The following BTAF1 variants were observed in gnomAD, a reference collection of about 807,000 sequenced individuals.
BTAF1 encodes TATA-binding protein-associated factor 172.
BTAF1 carries 38 observed loss-of-function variants against 227.1 expected under a neutral mutation model. That is an observed-to-expected ratio of 0.17 (90% CI 0.13 to 0.22). The LOEUF is 0.22. BTAF1 is among the 10% of genes least tolerant of loss of function. BTAF1 has a pLI of 1.00. For missense variants in BTAF1, 1,598 were observed against 2,204.0 expected (o/e 0.73, Z 5.51); for synonymous variants, 742 against 751.9 (o/e 0.99, Z 0.21).
At chr10:91,929,571 C>T (rs193242503) in intron 1 of BTAF1, among the ~76,000 whole-genome samples, 1 of 152,238 alleles carries the variant, frequency 6.6e-6, no homozygotes, top group African/African-American at 2.4e-5. Flanking sequence ...TTCAACAGGC[C>T]TATTCTGTCA....
intron 4 of BTAF1, among the ~76,000 whole-genome samples, chr10:91,951,016 G>A (rs1845736811): frequency 6.6e-6 from 1 of 151,736 alleles, no homozygotes; most frequent in Admixed American, 6.6e-5. Flanking sequence ...TATAGAGATG[G>A]GGTCTCCCTA....
chr10:91,954,373 G>A (rs990651109), intron 6 of BTAF1, among the ~76,000 whole-genome samples: 1 of 152,040 alleles, frequency 6.6e-6, no homozygotes, highest in Non-Finnish European at 1.5e-5. Context: ...TGATAATCTA[G>A]GCTAGTTTAT....
chr10:92,019,893 T>G (rs560082082), intron 34 of BTAF1, among the ~76,000 whole-genome samples: 27 of 148,778 alleles, frequency 1.8e-4, no homozygotes, highest in African/African-American at 6.7e-4. Context: ...TTGTTGCTGT[T>G]TTTTTTTTTT....
chr10:91,956,725 C>T, intron 7 of BTAF1, 68 bp downstream of exon 7: 6 of 1,531,900 alleles, frequency 3.9e-6, no homozygotes, highest in Non-Finnish European at 4.4e-6. Context: ...AGCGGTGGCT[C>T]ACTCCTGTAA....
chr10:91,951,628 T>C, intron 5 of BTAF1, 62 bp downstream of exon 5: 1 of 1,481,852 alleles, frequency 6.7e-7, no homozygotes, highest in Non-Finnish European at 9.0e-7. Context: ...CTTCATTTTG[T>C]TTATGTAATT....
At chr10:92,001,946 CAAAA>C (rs10561232) in intron 25 of BTAF1, among the ~76,000 whole-genome samples, 6 of 84,894 alleles carry the variant, frequency 7.1e-5, no homozygotes, top group African/African-American at 1.5e-4. Flanking sequence ...AACCCTGTCT[CAAAA>C]AAAAAAAAAA....
chr10:92,022,566 C>A (rs183720884), intron 34 of BTAF1, among the ~76,000 whole-genome samples: 6 of 152,158 alleles, frequency 3.9e-5, no homozygotes, highest in Non-Finnish European at 8.8e-5. Flanking sequence ...TACAGGTGTG[C>A]GCTACCACAC....
rs771149341 is a variant in BTAF1, at chr10:92,008,990, T to G, written c.3935+40T>G. On this transcript the variant is annotated intron_variant, in intron 27 of 37. Coordinates refer to ENST00000265990, the MANE Select transcript of BTAF1 (RefSeq NM_003972.3). ...TATTTTAAAATAAGGTTTCCGGATT[T>G]GGAGAAATGTAAACAAGCTGGTTAA... 4 of 1,611,930 alleles carry G rather than the reference T, an allele frequency of 2.5e-6. No individual in the cohort carries two copies. The African/African-American group carries it at 5.3e-5, about 22-fold the overall frequency.
At chr10:91,960,196 T>C (rs758650994) in intron 11 of BTAF1, 42 bp downstream of exon 11, 2 of 1,586,094 alleles carry the variant, frequency 1.3e-6, no homozygotes, top group Non-Finnish European at 1.7e-6. Flanking sequence ...GAGAGTTTTT[T>C]CCCCCTTATA....
Position 92,009,058 on chromosome 10 carries a change from G to A in BTAF1, c.3953G>A (p.Arg1318Lys). ...DHCHRAQEYA[R>K]SKLAECMPLP... ...TTGTAAAGGGCCCAGGAATATGCAA[G>A]ATCAAAATTAGCAGAATGTATGCCA... The change falls in exon 28 of 38, where the codon AGA becomes AAA. Residue 1318 changes from arginine to lysine, a missense_variant. Around this residue, in one of 10 missense-constraint regions of BTAF1, gnomAD observed 184 missense variants for 341.1 expected, o/e 0.54. Coordinates refer to ENST00000265990, the MANE Select transcript of BTAF1 (RefSeq NM_003972.3). The A allele has an allele frequency of 1.2e-6, 2 of 1,614,080 alleles. No homozygotes were observed. Among genetic ancestry groups the A allele is most frequent in the African/African-American group, 1.3e-5 (1 of 75,032 alleles).
chr10:91,969,913 G>A (rs1157641035), intron 14 of BTAF1, among the ~76,000 whole-genome samples: 2 of 151,472 alleles, frequency 1.3e-5, no homozygotes, highest in Non-Finnish European at 2.9e-5. Context: ...GCAGTGAGCC[G>A]AGATTGCACC....
intron 20 of BTAF1, among the ~76,000 whole-genome samples, chr10:91,991,277 T>TAA (rs1564699967): frequency 9.5e-6 from 1 of 104,988 alleles, no homozygotes; most frequent in Non-Finnish European, 2.2e-5. Flanking sequence ...TATAAATATA[T>TAA]ATATATATAT....
chr10:91,940,164 T>C, intron 3 of BTAF1, 98 bp downstream of exon 3: 1 of 722,520 alleles, frequency 1.4e-6, no homozygotes, highest in Non-Finnish European at 2.2e-6. Flanking sequence ...TTTTAAAGTC[T>C]TAATTTCCAT....
intron 19 of BTAF1, among the ~76,000 whole-genome samples, chr10:91,985,120 T>A (rs965521015): frequency 1.2e-4 from 19 of 152,214 alleles, no homozygotes; most frequent in Admixed American, 2.0e-4. Flanking sequence ...AACATTATCA[T>A]CACCACTTCC....
At chr10:91,975,761 T>C (rs1374286819) in intron 14 of BTAF1, among the ~76,000 whole-genome samples, 1 of 152,154 alleles carries the variant, frequency 6.6e-6, no homozygotes, top group Non-Finnish European at 1.5e-5. Context: ...TGTGGGAAGA[T>C]AAAAGAGGGA....
Position 92,016,441 on chromosome 10 carries a change from T to C in BTAF1, c.4686T>C (p.Leu1562=), listed in dbSNP as rs1426023692. 6.3e-7 allele frequency: 1 copy of C among 1,585,132 alleles called. No individual in the cohort carries two copies. The highest frequency in any genetic ancestry group is 8.5e-7 in the Non-Finnish European group (1 of 1,170,030). The change falls in exon 33 of 38, where the codon CTT becomes CTC. Residue 1562 remains leucine (L), a synonymous_variant. Transcript: ENST00000265990. ...TLSEETEKPK[L]KATGHVFQAL... is the part of the protein sequence containing the mutation. The stretch of plus-strand genomic sequence containing the variant: ...CTGAAGAAACTGAAAAACCAAAGCT[T>C]AAAGCTACAGGCCACGTATTCCAGG...
At chr10:91,926,558 C>G (rs1369783897) in intron 1 of BTAF1, among the ~76,000 whole-genome samples, 4 of 152,168 alleles carry the variant, frequency 2.6e-5, no homozygotes, top group Non-Finnish European at 5.9e-5. Context: ...GAACATGCCA[C>G]CATCTCTAGT....
intron 1 of BTAF1, among the ~76,000 whole-genome samples, chr10:91,924,341 C>T (rs1206949554): frequency 6.6e-6 from 1 of 152,118 alleles, no homozygotes; most frequent in East Asian, 1.9e-4. Flanking sequence ...TTTTCTCTTT[C>T]CTCACCATGT....
At chr10:91,949,845 G>C (rs754481652) in intron 4 of BTAF1, among the ~76,000 whole-genome samples, 3 of 152,058 alleles carry the variant, frequency 2.0e-5, no homozygotes, top group Non-Finnish European at 2.9e-5. Context: ...CAGAAAGACT[G>C]TGGGTTTTGG....
Sources: gnomAD v4.1 joint callset for allele counts (sites outside exome capture counted in the v4.1 genomes callset) on GRCh38, gnomAD v4.1.1 for gene constraint, gnomAD v4.1.1 regional missense constraint, MANE v1.5 for transcripts, NCBI Gene and HGNC (gene_info 2026-07-23, HGNC 2026-07-21) for gene names.